MARK4: variants seen among roughly 807,000 people sequenced by gnomAD.
The protein encoded by MARK4 is microtubule affinity regulating kinase 4.
Under a neutral mutation model 81.5 loss-of-function variants are expected in MARK4, and 19 were observed. The observed-to-expected ratio is 0.23, with a 90% CI of 0.16 to 0.34. MARK4 has a LOEUF of 0.34. Ranked by LOEUF, MARK4 falls within the 10% of genes least tolerant of loss-of-function variation. MARK4 has a pLI of 1.00. For missense variants in MARK4, 772 were observed against 1,058.8 expected (o/e 0.73, Z 3.76); for synonymous variants, 436 against 439.0 (o/e 0.99, Z 0.08).
chr19:45,298,544 AAC>A (rs1568504610), intron 15 of MARK4, among the ~76,000 whole-genome samples: 1 of 152,180 alleles, frequency 6.6e-6, no homozygotes, highest in African/African-American at 2.4e-5. Context: ...CTGAGCGTAG[AAC>A]ATTGCCTTGG....
chr19:45,272,261 G>T (rs931766764), intron 8 of MARK4, among the ~76,000 whole-genome samples: 1 of 152,232 alleles, frequency 6.6e-6, no homozygotes, highest in East Asian at 1.9e-4. Context: ...GAACCTGGGA[G>T]ATCAAGACTG....
intron 13 of MARK4, chr19:45,288,444 T>C (rs954925634): frequency 2.0e-5 from 3 of 151,478 alleles, no homozygotes; most frequent in African/African-American, 7.3e-5. Flanking sequence ...TCCCAACTAC[T>C]TGGGAGGCTG....
chr19:45,295,828 G>A (rs770292972), intron 14 of MARK4, among the ~76,000 whole-genome samples: 2 of 152,144 alleles, frequency 1.3e-5, no homozygotes, highest in Non-Finnish European at 1.5e-5. Context: ...TTATAGAGAT[G>A]CAGTAGAGAT....
At chr19:45,258,694 C>T (rs974344699) in intron 1 of MARK4, among the ~76,000 whole-genome samples, 1 of 150,888 alleles carries the variant, frequency 6.6e-6, no homozygotes, top group Non-Finnish European at 1.5e-5. Flanking sequence ...AGGAAGACTC[C>T]ATCCGAAGGA....
Position 45,294,467 on chromosome 19 carries a change from G to A in MARK4, c.1598+15G>A. On this transcript the variant is annotated intron_variant, in intron 14 of 16. Transcript: ENST00000262891. ...AAAGAAAACAGGTACGGAGGGGGCAGCAACAGGGTGAGGGGTGGGAAGTAG... is the reference window on the plus strand; with the variant it reads ...AAAGAAAACAGGTACGGAGGGGGCAACAACAGGGTGAGGGGTGGGAAGTAG... 1.2e-6 allele frequency: 2 copies of A among 1,609,730 alleles called. No individual in the cohort carries two copies. The highest frequency in any genetic ancestry group is 2.2e-5 in the South Asian group (2 of 90,928).
intron 2 of MARK4, among the ~76,000 whole-genome samples, chr19:45,260,549 T>C (rs1439126068): frequency 6.6e-6 from 1 of 150,406 alleles, no homozygotes; most frequent in African/African-American, 2.5e-5. Context: ...ATACAAAAAT[T>C]AGCTGGGTGT....
At position 45,265,008 on chromosome 19, in the gene MARK4, GC is replaced by G. The variant is rs1264431683; in HGVS notation, c.492+99del. 3.2e-6 allele frequency: 4 copies of G among 1,247,124 alleles called. No homozygotes were observed. In the African/African-American group the frequency reaches 5.9e-5, roughly 18 times the overall value. The allele number at this position is 1,247,124 out of a possible 1,614,324, so 77.3% of individuals were successfully genotyped here. A position where few individuals can be genotyped will look rare whatever the true frequency, so the allele number is the denominator to read the frequency against. ...GTCTGGGCTGTCCAGCGACCTGGGG[GC>G]GGGGCTTAAGTCTGGGCAGGGGTGA... On this transcript the variant is annotated intron_variant, in intron 6 of 16. Transcript: ENST00000262891.
chr19:45,275,297 C>T (rs59443131), intron 8 of MARK4, among the ~76,000 whole-genome samples: 223 of 152,214 alleles, frequency 1.5e-3, no homozygotes, highest in African/African-American at 5.2e-3. Flanking sequence ...GCCTGGGCAA[C>T]ATTTCAAGAC....
In MARK4 at chr19:45,303,363, C is replaced by G. The variant is rs1599810325; in HGVS notation, c.*653C>G. 6.6e-6 allele frequency: 1 copy of G among 152,634 alleles called. No homozygotes were observed. Among genetic ancestry groups the G allele is most frequent in the Admixed American group, 6.5e-5 (1 of 15,290 alleles). The allele number at this position is 152,634 out of a possible 1,614,324, so 9.5% of individuals were successfully genotyped here. A position where few individuals can be genotyped will look rare whatever the true frequency, so the allele number is the denominator to read the frequency against. On this transcript the variant is annotated 3_prime_UTR_variant, in exon 17 of 17. Coordinates refer to ENST00000262891, the MANE Select transcript of MARK4 (RefSeq NM_001199867.2). ...CCCAATAAATTTAAGAGAGTCCCCCCCTCCCCAATGCTGACCCTAGGATTT... is the reference window on the plus strand; with the variant it reads ...CCCAATAAATTTAAGAGAGTCCCCCGCTCCCCAATGCTGACCCTAGGATTT...
chr19:45,278,711 C>G (rs1970634231), intron 10 of MARK4, 96 bp downstream of exon 10: 4 of 944,070 alleles, frequency 4.2e-6, no homozygotes. Context: ...TCAAGAGATT[C>G]TTGTGCCTCA....
At chr19:45,280,224 C>G (rs905090591) in intron 10 of MARK4, 150 bp from the exon 11 acceptor site, 8 of 674,740 alleles carry the variant, frequency 1.2e-5, no homozygotes, top group Non-Finnish European at 2.1e-5. Context: ...TCAGCAGAGC[C>G]TGGGGAGGCC....
At chr19:45,268,238 C>T (rs914500933) in intron 7 of MARK4, among the ~76,000 whole-genome samples, 5 of 152,018 alleles carry the variant, frequency 3.3e-5, no homozygotes, top group Admixed American at 6.6e-5. Flanking sequence ...CCCAGAAGTT[C>T]GAGAACAGCC....
chr19:45,259,998 A>T (rs901742159), intron 2 of MARK4, among the ~76,000 whole-genome samples: 3 of 150,914 alleles, frequency 2.0e-5, no homozygotes, highest in African/African-American at 4.9e-5. Context: ...GAGCCAGGAG[A>T]ATCGCTTGAA....
intron 3 of MARK4, 60 bp downstream of exon 3, chr19:45,263,226 A>G: frequency 6.2e-7 from 1 of 1,613,398 alleles, no homozygotes. Flanking sequence ...CGGGTGACCC[A>G]CCTGACCCTT....
chr19:45,279,590 A>G (rs1050643734), intron 10 of MARK4, among the ~76,000 whole-genome samples: 3 of 152,242 alleles, frequency 2.0e-5, no homozygotes, highest in Admixed American at 2.0e-4. Flanking sequence ...TAATTATATT[A>G]GTAGGTTGAA....
intron 1 of MARK4, among the ~76,000 whole-genome samples, chr19:45,257,447 G>A (rs1475739139): frequency 6.8e-6 from 1 of 147,038 alleles, no homozygotes; most frequent in Non-Finnish European, 1.5e-5. Flanking sequence ...GCAGTGGCGC[G>A]ATCTCAGCTC....
chr19:45,298,286 T>A, intron 15 of MARK4: 1 of 1,536,896 alleles, frequency 6.5e-7, no homozygotes, highest in Non-Finnish European at 9.0e-7. Context: ...CTGACCTGTG[T>A]GTGCGGGCAT....
chr19:45,301,709 A>G (rs1248781249), intron 16 of MARK4, among the ~76,000 whole-genome samples: 1 of 151,602 alleles, frequency 6.6e-6, no homozygotes, highest in Non-Finnish European at 1.5e-5. Context: ...AAATACAAAA[A>G]TTAGCTGGGG....
At position 45,284,448 on chromosome 19, in the gene MARK4, G is replaced by C. The variant is rs548371803; in HGVS notation, c.1277-2999G>C. Among the ~76,000 whole-genome samples the C allele has an allele frequency of 1.3e-4, 20 of 151,782 alleles. No homozygotes were observed. In the East Asian group the frequency reaches 3.5e-3, roughly 27 times the overall value. On this transcript the variant is annotated intron_variant, in intron 12 of 16. Transcript: ENST00000262891. ...TGCCATTCTCCTGCCTCAGCCTCCC[G>C]AGTAGCTGGGACTATAGGTGTCCAC...
Sources: gnomAD v4.1 joint callset for allele counts (sites outside exome capture counted in the v4.1 genomes callset) on GRCh38, gnomAD v4.1.1 for gene constraint, MANE v1.5 for transcripts, NCBI Gene and HGNC (gene_info 2026-07-23, HGNC 2026-07-21) for gene names.